Variants in DPP6 observed in about 807,000 individuals in gnomAD.
DPP6 encodes the protein dipeptidyl peptidase like 6, also known as A-type potassium channel modulatory protein DPP6.
Under a neutral mutation model 122.6 loss-of-function variants are expected in DPP6, and 69 were observed. The ratio of observed to expected loss-of-function variants is 0.56; its 90% CI spans 0.46 to 0.69. The LOEUF (loss-of-function observed/expected upper bound fraction) is 0.69. DPP6 is among the 30% of genes least tolerant of loss of function. The pLI is 0.00. For missense variants in DPP6, 928 were observed against 1,116.9 expected, an observed-to-expected ratio of 0.83 and a Z score of 2.41; for synonymous variants, 418 against 433.1, an observed-to-expected ratio of 0.97 and a Z score of 0.43.
At chr7:153,810,671 C>CTCCT in the DPP6 span, among the ~76,000 whole-genome samples, 2 of 124,632 alleles carry the variant, frequency 1.6e-5, no homozygotes, top group African/African-American at 6.6e-5. Context: ...CTCTCTCTCT[C>CTCCT]CTCTCTCTCT....
At chr7:154,781,057 A>G (rs1042091183) in intron 10 of DPP6, among the ~76,000 whole-genome samples, 2 of 151,954 alleles carry the variant, frequency 1.3e-5, no homozygotes, top group South Asian at 2.1e-4. Context: ...GGATGGGTGG[A>G]TGGATGGATG....
intron 8 of DPP6, among the ~76,000 whole-genome samples, chr7:154,761,215 A>G (rs1224552091): frequency 1.3e-5 from 2 of 152,262 alleles, no homozygotes; most frequent in East Asian, 3.8e-4. Flanking sequence ...AACTGGGCAT[A>G]GCTCTTTCCT....
intron 7 of DPP6, among the ~76,000 whole-genome samples, chr7:154,694,996 A>G (rs1227402199): frequency 1.3e-5 from 2 of 152,142 alleles, no homozygotes; most frequent in Admixed American, 1.3e-4. Context: ...GTGCCCAAAG[A>G]TTTGAGATTT....
chr7:154,864,510 G>A (rs1050094516), intron 17 of DPP6, among the ~76,000 whole-genome samples: 1 of 152,180 alleles, frequency 6.6e-6, no homozygotes, highest in African/African-American at 2.4e-5. Context: ...CCAGACTGGA[G>A]GTCCCCACTG....
At chr7:154,060,010 C>CAGT (rs1169753503) in intron 1 of DPP6, among the ~76,000 whole-genome samples, 2 of 149,178 alleles carry the variant, frequency 1.3e-5, no homozygotes, top group South Asian at 2.1e-4. Flanking sequence ...ACCCGCATCG[C>CAGT]GGGAGGGGAG....
At position 154,171,405 on chromosome 7, in the gene DPP6, A is replaced by C. The variant is rs978025802; in HGVS notation, c.243+118342A>C. Among the ~76,000 whole-genome samples the C allele has an allele frequency of 1.4e-4, 21 of 152,184 alleles. 1 individual carries two copies. Among genetic ancestry groups the C allele is most frequent in the Non-Finnish European group, 5.9e-5 (4 of 68,038 alleles). The stretch of plus-strand genomic sequence containing the variant: ...CATAGCCCTTTTGCTCCCTGAGCTG[A>C]GAGGACAGAGGAGGATGTTAACAGT... On this transcript the variant is annotated intron_variant, in intron 1 of 25. Transcript: ENST00000377770.
chr7:154,384,165 G>T (rs1361538556), intron 1 of DPP6, among the ~76,000 whole-genome samples: 1 of 152,142 alleles, frequency 6.6e-6, no homozygotes, highest in South Asian at 2.1e-4. Flanking sequence ...GTGCACACTG[G>T]TGGGACCCAA....
At chr7:154,525,931 G>C (rs1827373722) in intron 3 of DPP6, among the ~76,000 whole-genome samples, 1 of 151,974 alleles carries the variant, frequency 6.6e-6, no homozygotes, top group African/African-American at 2.4e-5. Flanking sequence ...TATGCTAAAG[G>C]GCTGTGTGCA....
intron 25 of DPP6, 166 bp downstream of exon 25, chr7:154,889,696 C>A: frequency 9.5e-7 from 1 of 1,049,910 alleles, no homozygotes; most frequent in Non-Finnish European, 1.4e-6. Context: ...ACATGCTCAA[C>A]GTTTTCTTAT....
At chr7:154,595,604 G>A (rs1019796223) in intron 5 of DPP6, among the ~76,000 whole-genome samples, 2 of 152,228 alleles carry the variant, frequency 1.3e-5, no homozygotes, top group African/African-American at 4.8e-5. Context: ...TTGTCGAGGA[G>A]GTGGGAAATA....
intron 5 of DPP6, among the ~76,000 whole-genome samples, chr7:154,598,803 G>GTTGTT (rs955722793): frequency 6.6e-6 from 1 of 152,196 alleles, no homozygotes. Flanking sequence ...TTATAGCATT[G>GTTGTT]TTGTTTTGTT....
intron 3 of DPP6, among the ~76,000 whole-genome samples, chr7:154,506,185 T>C (rs1446377035): frequency 6.6e-6 from 1 of 151,966 alleles, no homozygotes; most frequent in East Asian, 1.9e-4. Context: ...AACTCTGCTA[T>C]TTGGATGTAG....
At chr7:154,495,389 GTTTTT>G (rs34693163) in intron 3 of DPP6, among the ~76,000 whole-genome samples, 1 of 148,332 alleles carries the variant, frequency 6.7e-6, no homozygotes, top group African/African-American at 2.5e-5. Context: ...GTTTGTTGTG[GTTTTT>G]TTTTTTTTGT....
At chr7:154,543,813 G>T (rs1186994209) in intron 4 of DPP6, among the ~76,000 whole-genome samples, 1 of 151,922 alleles carries the variant, frequency 6.6e-6, no homozygotes, top group Non-Finnish European at 1.5e-5. Context: ...GGCCAATGTG[G>T]TGAAACCCCA....
intron 1 of DPP6, among the ~76,000 whole-genome samples, chr7:154,261,915 G>A (rs1192594501): frequency 6.6e-6 from 1 of 151,970 alleles, no homozygotes; most frequent in Non-Finnish European, 1.5e-5. Flanking sequence ...AAGCTCTAGG[G>A]GAAAAAACTG....
intron 8 of DPP6, among the ~76,000 whole-genome samples, chr7:154,737,824 A>G (rs1029495902): frequency 3.4e-4 from 52 of 152,354 alleles, no homozygotes; most frequent in African/African-American, 8.2e-4. Flanking sequence ...CACAGATTTA[A>G]GAGCCCAACA....
chr7:154,886,292 C>G (rs911747197), intron 22 of DPP6, among the ~76,000 whole-genome samples: 1 of 152,234 alleles, frequency 6.6e-6, no homozygotes, highest in African/African-American at 2.4e-5. Context: ...CTGGTCAGCA[C>G]CTGTCCTCAG....
At chr7:154,680,694 T>TAAA (rs111811314) in intron 7 of DPP6, among the ~76,000 whole-genome samples, 67 of 149,506 alleles carry the variant, frequency 4.5e-4, no homozygotes, top group Middle Eastern at 3.5e-3. Flanking sequence ...ATATTTTTTT[T>TAAA]AAAAAAAAAT....
At chr7:154,428,085 G>A (rs935225861) in intron 1 of DPP6, among the ~76,000 whole-genome samples, 3 of 152,098 alleles carry the variant, frequency 2.0e-5, no homozygotes, top group African/African-American at 7.2e-5. Flanking sequence ...AAATTCTTCT[G>A]AATAAGAAAA....
Sources: gnomAD v4.1 joint callset for allele counts (sites outside exome capture counted in the v4.1 genomes callset) on GRCh38, gnomAD v4.1.1 for gene constraint, MANE v1.5 for transcripts, NCBI Gene and HGNC (gene_info 2026-07-23, HGNC 2026-07-21) for gene names.